The following FHIP1A variants were observed in gnomAD, a reference collection of about 807,000 sequenced individuals.
FHIP1A encodes FHF complex subunit HOOK interacting protein 1A.
In FHIP1A, 61 loss-of-function variants were observed where a neutral mutation model predicts 88.6. The observed-to-expected ratio is 0.69, with a 90% CI of 0.56 to 0.85. The LOEUF is 0.85. FHIP1A is among the 40% of genes least tolerant of loss of function. The pLI is 0.00. For missense variants in FHIP1A, 1,154 were observed against 1,273.5 expected (o/e 0.91, Z 1.43); for synonymous variants, 478 against 496.0 (o/e 0.96, Z 0.48).
chr4:151,497,043 T>A (rs1447698969), intron 3 of FHIP1A, among the ~76,000 whole-genome samples: 2 of 152,066 alleles, frequency 1.3e-5, no homozygotes, highest in African/African-American at 2.4e-5. Flanking sequence ...GACCTGGGGA[T>A]GGGAATGCAA....
chr4:151,547,820 A>G (rs1176697048), intron 3 of FHIP1A, among the ~76,000 whole-genome samples: 5 of 152,126 alleles, frequency 3.3e-5, no homozygotes, highest in Admixed American at 3.3e-4. Flanking sequence ...AAGCTGAGGC[A>G]GGAGAATCAT....
chr4:151,601,605 AT>A (rs1734869519), intron 7 of FHIP1A, among the ~76,000 whole-genome samples: 1 of 149,654 alleles, frequency 6.7e-6, no homozygotes, highest in Admixed American at 6.7e-5. Context: ...CATACTAGAT[AT>A]GAATAAATGA....
At chr4:151,565,518 C>T (rs946776730) in intron 3 of FHIP1A, among the ~76,000 whole-genome samples, 3 of 152,014 alleles carry the variant, frequency 2.0e-5, no homozygotes, top group Admixed American at 1.3e-4. Context: ...GAAACTTTAA[C>T]CTAGTTTATA....
chr4:151,496,131 T>C (rs1012715670), intron 3 of FHIP1A, among the ~76,000 whole-genome samples: 1 of 151,936 alleles, frequency 6.6e-6, no homozygotes, highest in African/African-American at 2.4e-5. Context: ...GATTTACATA[T>C]TGGACATGTT....
intron 1 of FHIP1A, among the ~76,000 whole-genome samples, chr4:151,438,457 C>T (rs536797903): frequency 6.6e-6 from 1 of 151,966 alleles, no homozygotes; most frequent in Non-Finnish European, 1.5e-5. Flanking sequence ...CATTGTATTT[C>T]TCTCTCCCTT....
chr4:151,475,589 A>G (rs1427895151), intron 2 of FHIP1A, among the ~76,000 whole-genome samples: 1 of 152,068 alleles, frequency 6.6e-6, no homozygotes, highest in Admixed American at 6.6e-5. Flanking sequence ...GGTGCATCAG[A>G]GGGGCAGTGA....
chr4:151,467,917 C>T (rs891023590), intron 2 of FHIP1A, among the ~76,000 whole-genome samples: 3 of 151,052 alleles, frequency 2.0e-5, no homozygotes, highest in African/African-American at 4.9e-5. Context: ...TGATAGGTGC[C>T]GCAAACCACC....
At chr4:151,567,316 G>A (rs1733426138) in intron 4 of FHIP1A, among the ~76,000 whole-genome samples, 1 of 151,954 alleles carries the variant, frequency 6.6e-6, no homozygotes, top group African/African-American at 2.4e-5. Context: ...CAGCACACTG[G>A]TTAAAGCACT....
At chr4:151,448,204 C>A (rs939666176) in intron 1 of FHIP1A, among the ~76,000 whole-genome samples, 15 of 152,038 alleles carry the variant, frequency 9.9e-5, no homozygotes, top group Admixed American at 9.8e-4. Context: ...CAGGTGTGAA[C>A]CTCTGCACCT....
chr4:151,571,434 G>C (rs1042708645), intron 4 of FHIP1A, among the ~76,000 whole-genome samples: 2 of 152,152 alleles, frequency 1.3e-5, no homozygotes, highest in African/African-American at 4.8e-5. Flanking sequence ...ATCTTGGAGG[G>C]GGTAGGGATG....
chr4:151,586,603 T>G, intron 5 of FHIP1A, 38 bp from the exon 6 acceptor site: 1 of 1,511,750 alleles, frequency 6.6e-7, no homozygotes, highest in East Asian at 2.5e-5. Flanking sequence ...TTGAGAACTT[T>G]GGAAAAGCAT....
chr4:151,598,632 C>A (rs1265202212), intron 7 of FHIP1A, among the ~76,000 whole-genome samples: 1 of 152,160 alleles, frequency 6.6e-6, no homozygotes, highest in African/African-American at 2.4e-5. Context: ...CAGAGGTGAA[C>A]CTATTCTCTC....
At chr4:151,574,813 C>T (rs189205401) in intron 4 of FHIP1A, among the ~76,000 whole-genome samples, 66 of 152,048 alleles carry the variant, frequency 4.3e-4, no homozygotes, top group African/African-American at 1.5e-3. Context: ...TGATATAAAA[C>T]GAATTTACTT....
intron 7 of FHIP1A, among the ~76,000 whole-genome samples, chr4:151,605,034 T>C (rs142321473): frequency 4.6e-5 from 7 of 152,204 alleles, no homozygotes; most frequent in African/African-American, 1.4e-4. Flanking sequence ...CATCCAGATA[T>C]GTTGTTTCAG....
chr4:151,451,113 T>C (rs1728774898), intron 1 of FHIP1A, among the ~76,000 whole-genome samples: 2 of 152,164 alleles, frequency 1.3e-5, no homozygotes, highest in South Asian at 4.2e-4. Flanking sequence ...TGAGACTCAG[T>C]GTCTTTTTAT....
intron 3 of FHIP1A, among the ~76,000 whole-genome samples, chr4:151,509,092 G>A (rs1272734600): frequency 6.6e-6 from 1 of 152,188 alleles, no homozygotes; most frequent in Non-Finnish European, 1.5e-5. Flanking sequence ...CTCGAGGAGA[G>A]TAAAGGAGCT....
Position 151,577,681 on chromosome 4 carries a change from G to A in FHIP1A, c.337G>A (p.Glu113Lys). The change falls in exon 5 of 14, where the codon GAG becomes AAG. Residue 113 changes from glutamate to lysine, a missense_variant. Physicochemically the swap from Glu to Lys is moderately conservative, Grantham distance 56. Coordinates refer to ENST00000435205, the MANE Select transcript of FHIP1A (RefSeq NM_001109977.3). ...GAGCTTGAGAAGGGAGTTTACTGAT[G>A]AGACTAAAATTGAGCAGCTAAAGAT... ...LWSLRREFTD[E>K]TKIEQLKMYE... is the part of the protein sequence containing the mutation. The A allele has an allele frequency of 6.4e-7, 1 of 1,551,678 alleles. No homozygotes were observed. Among genetic ancestry groups the A allele is most frequent in the South Asian group, 1.2e-5 (1 of 84,038 alleles).
intron 13 of FHIP1A, among the ~76,000 whole-genome samples, chr4:151,660,428 A>G (rs17027762): frequency 0.036 from 5,220 of 146,144 alleles, 296 homozygotes; most frequent in African/African-American, 0.12. Context: ...GAAGAGAATG[A>G]ATGAATTTGA....
At chr4:151,448,738 G>A (rs1464116533) in intron 1 of FHIP1A, among the ~76,000 whole-genome samples, 1 of 152,120 alleles carries the variant, frequency 6.6e-6, no homozygotes, top group African/African-American at 2.4e-5. Flanking sequence ...GTTTTTTGGT[G>A]TTGTGAATGC....
Sources: allele counts gnomAD v4.1 joint callset (sites outside exome capture counted in the v4.1 genomes callset), GRCh38; gene constraint gnomAD v4.1.1; transcripts MANE v1.5; gene names NCBI Gene and HGNC (gene_info 2026-07-23, HGNC 2026-07-21).